The following NUP62 variants were observed in gnomAD, a reference collection of about 807,000 sequenced individuals.
The protein encoded by NUP62 is nucleoporin 62, also known as nuclear pore glycoprotein p62.
For synonymous variants in NUP62, 305 were observed against 303.4 expected (o/e 1.01, Z -0.05); for missense variants, 647 against 689.4 (o/e 0.94, Z 0.69).
At chr19:49,918,916 T>TGGG (rs1312547282) in intron 2 of NUP62, among the ~76,000 whole-genome samples, 3 of 25,244 alleles carry the variant, frequency 1.2e-4, no homozygotes, top group African/African-American at 3.0e-4. Context: ...GGGCGGGGTG[T>TGGG]GGGGGGGCGG....
At chr19:49,915,539 C>G (rs1417121833) in intron 2 of NUP62, among the ~76,000 whole-genome samples, 1 of 152,226 alleles carries the variant, frequency 6.6e-6, no homozygotes, top group East Asian at 1.9e-4. Context: ...AAAATACATT[C>G]GTGTTGCTTT....
At position 49,909,617 on chromosome 19, in the gene NUP62, G is replaced by A; in HGVS notation, c.191C>T (p.Thr64Ile). Residue 64 changes from threonine (T) to isoleucine (I), a missense_variant, in exon 3 of 3, where the codon ACC becomes ATC. By Grantham distance (89) the Thr-to-Ile change is moderately conservative. Coordinates refer to ENST00000352066, the MANE Select transcript of NUP62 (RefSeq NM_016553.5). Reference protein sequence around the residue: ...TPSTGLFSLATQTPATQTTGF... With the variant: ...TPSTGLFSLAIQTPATQTTGF... ...TGTCGTCTGTGTGGCCGGAGTCTGGGTGGCAAGTGAGAACAGGCCGGTGGA... is the reference window on the plus strand; with the variant it reads ...TGTCGTCTGTGTGGCCGGAGTCTGGATGGCAAGTGAGAACAGGCCGGTGGA... 2 of 1,614,124 alleles carry A rather than the reference G, an allele frequency of 1.2e-6. No homozygotes were observed. The highest frequency in any genetic ancestry group is 1.1e-5 in the South Asian group (1 of 91,090).
In NUP62 at chr19:49,909,067, GC is replaced by G; in HGVS notation, c.740del (p.Gly247AlafsTer12). The G allele has an allele frequency of 6.2e-7, 1 of 1,612,638 alleles. No individual in the cohort carries two copies. On this transcript the variant is annotated frameshift_variant, in exon 3 of 3. Coordinates refer to ENST00000352066, the MANE Select transcript of NUP62 (RefSeq NM_016553.5). LOFTEE classifies it high-confidence loss of function. ...LSLCTPVTTA[G>X]APTAGTQGFS... The stretch of plus-strand genomic sequence containing the variant: ...AGCCCTGTGTCCCAGCAGTGGGGGC[GC>G]CCGCTGTGGTCACAGGGGTACAGAG...
chr19:49,917,168 A>C (rs2122689060), intron 2 of NUP62, among the ~76,000 whole-genome samples: 1 of 152,298 alleles, frequency 6.6e-6, no homozygotes, highest in Non-Finnish European at 1.5e-5. Context: ...TGGAGAGGAG[A>C]GAAACAAGGG....
Position 49,912,275 on chromosome 19 carries a change from TTC to T in NUP62, c.-77-2393_-77-2392del, listed in dbSNP as rs374003040. On this transcript the variant is annotated intron_variant, in intron 2 of 2. Transcript: ENST00000352066. The stretch of plus-strand genomic sequence containing the variant: ...ACCTCCGCTTCCCGGGTTCAAGCGA[TTC>T]TCTCGCCTCAGCTTCCAAGTAGCTG... 9.0e-4 allele frequency among the ~76,000 whole-genome samples: 136 copies of T among 151,204 alleles called. 5 individuals are homozygous for T. In the East Asian group the frequency reaches 0.025, roughly 28 times the overall value.
At chr19:49,922,247 C>T (rs2075783048) in intron 2 of NUP62, among the ~76,000 whole-genome samples, 1 of 152,198 alleles carries the variant, frequency 6.6e-6, no homozygotes, top group Admixed American at 6.5e-5. Context: ...ATTGAGGTGC[C>T]CTGCGAGTCC....
Position 49,909,611 on chromosome 19 carries a change from G to C in NUP62, c.197C>G (p.Thr66Ser). Residue 66 changes from threonine to serine, a missense_variant, in exon 3 of 3, where the codon ACT (threonine) becomes AGT (serine). Thr to Ser is a moderately conservative substitution (Grantham distance 58). Transcript: ENST00000352066. ...STGLFSLATQ[T>S]PATQTTGFTF... is the part of the protein sequence containing the mutation. ...GAAGCCTGTCGTCTGTGTGGCCGGA[G>C]TCTGGGTGGCAAGTGAGAACAGGCC... The C allele has an allele frequency of 6.2e-7, 1 of 1,613,430 alleles. No homozygotes were observed. The highest frequency in any genetic ancestry group is 1.1e-5 in the South Asian group (1 of 91,068).
At position 49,908,564 on chromosome 19, in the gene NUP62, T is replaced by C. The variant is rs2075375800; in HGVS notation, c.1244A>G (p.Lys415Arg). 1.9e-6 allele frequency: 3 copies of C among 1,614,216 alleles called. No homozygotes were observed. The highest frequency in any genetic ancestry group is 2.5e-6 in the Non-Finnish European group (3 of 1,180,036). The change falls in exon 3 of 3, where the codon AAG (lysine) becomes AGG (arginine). Residue 415 changes from lysine (K) to arginine (R), a missense_variant. By Grantham distance (26) the Lys-to-Arg change is conservative (BLOSUM62 2). Transcript: ENST00000352066. Reference sequence around the variant, plus strand: ...CAGGTAGATGGTCCCGCTCTGCTCCTTGACCAACTCCTCCAGTGGGCTCAG... The same window carrying C: ...CAGGTAGATGGTCCCGCTCTGCTCCCTGACCAACTCCTCCAGTGGGCTCAG... ...DLLSPLEELVKEQSGTIYLQH... is the reference protein window; with the variant it reads ...DLLSPLEELVREQSGTIYLQH...
At chr19:49,925,887 A>G (rs991485515) in intron 2 of NUP62, among the ~76,000 whole-genome samples, 4 of 152,324 alleles carry the variant, frequency 2.6e-5, no homozygotes, top group South Asian at 2.1e-4. Flanking sequence ...GAGTCAATCT[A>G]CAATTATTCC....
chr19:49,913,592 C>T (rs764230128), intron 2 of NUP62, among the ~76,000 whole-genome samples: 14 of 152,244 alleles, frequency 9.2e-5, no homozygotes, highest in East Asian at 1.9e-4. Flanking sequence ...GCACTGTCCG[C>T]GGGACTCTCT....
intron 2 of NUP62, among the ~76,000 whole-genome samples, chr19:49,925,592 A>G (rs1476034776): frequency 6.6e-6 from 1 of 152,204 alleles, no homozygotes; most frequent in African/African-American, 2.4e-5. Context: ...AAGGACAAGG[A>G]AAGTCTAAAA....
Position 49,908,865 on chromosome 19 carries a change from C to T in NUP62, c.943G>A (p.Gly315Ser), listed in dbSNP as rs2075383856. 2 of 1,611,462 alleles carry T rather than the reference C, an allele frequency of 1.2e-6. No individual in the cohort carries two copies. Among genetic ancestry groups the T allele is most frequent in the Admixed American group, 1.7e-5 (1 of 59,986 alleles). ...NTAAAVTAPP[G>S]PGAAAGAAAS... ...GCCGCCCCTGCAGCTGCGCCAGGGC[C>T]AGGTGGAGCGGTCACGGCAGCTGCT... Residue 315 changes from glycine (G) to serine (S), a missense_variant, in exon 3 of 3, where the codon GGC (glycine) becomes AGC (serine). Physicochemically the swap from Gly to Ser is moderately conservative, Grantham distance 56 (BLOSUM62 0). Transcript: ENST00000352066.
chr19:49,910,149 G>A (rs1279431475), intron 2 of NUP62, among the ~76,000 whole-genome samples: 1 of 152,148 alleles, frequency 6.6e-6, no homozygotes, highest in African/African-American at 2.4e-5. Flanking sequence ...GACGAGGCGG[G>A]AGAACAGGAC....
At position 49,913,535 on chromosome 19, in the gene NUP62, G is replaced by A. The variant is rs183259169; in HGVS notation, c.-77-3651C>T. Among the ~76,000 whole-genome samples the A allele has an allele frequency of 9.3e-4, 141 of 152,290 alleles. 1 individual carries two copies. The highest frequency in any genetic ancestry group is 3.4e-3 in the Middle Eastern group (1 of 294). Reference sequence around the variant, plus strand: ...CCATGTCCTCCCCACAACCCGGGCCGCCACTGCTCCGTAAGCGTTACCACA... The same window carrying A: ...CCATGTCCTCCCCACAACCCGGGCCACCACTGCTCCGTAAGCGTTACCACA... On this transcript the variant is annotated intron_variant, in intron 2 of 2. Transcript: ENST00000352066.
chr19:49,908,636 T>C lies in NUP62; in HGVS notation c.1172A>G (p.Gln391Arg). 1 of 1,613,300 alleles carries C rather than the reference T, an allele frequency of 6.2e-7. No homozygotes were observed. Among genetic ancestry groups the C allele is most frequent in the Non-Finnish European group, 8.5e-7 (1 of 1,180,034 alleles). Residue 391 changes from glutamine to arginine, a missense_variant, in exon 3 of 3, where the codon CAG (glutamine) becomes CGG (arginine). Gln to Arg is a conservative substitution (Grantham distance 43). Transcript: ENST00000352066. ...CTGGGACAGGATGAAGTCGAGCTCC[T>C]GGTCCAGCCTCTTCTGGTCCAGCTT... is the stretch of plus-strand genomic sequence containing the variant. ...KVKLDQKRLDQELDFILSQQK... is the reference protein window; with the variant it reads ...KVKLDQKRLDRELDFILSQQK...
intron 2 of NUP62, among the ~76,000 whole-genome samples, chr19:49,920,522 AACCAACCAACCG>A (rs1188421157): frequency 6.6e-6 from 1 of 152,218 alleles, no homozygotes; most frequent in African/African-American, 2.4e-5. Flanking sequence ...AAAGCCACTC[AACCAACCAACCG>A]ACCAACCAAC....
rs371693868 is a variant in NUP62 at position 49,908,281 on chromosome 19, C to T, written c.1527G>A (p.Arg509=). 78 of 1,613,794 alleles carry T rather than the reference C, an allele frequency of 4.8e-5. No homozygotes were observed. Among genetic ancestry groups the T allele is most frequent in the Non-Finnish European group, 6.4e-5 (75 of 1,180,050 alleles). The change falls in exon 3 of 3, where the codon CGG becomes CGA. Residue 509 remains arginine (R), a synonymous_variant. Coordinates refer to ENST00000352066, the MANE Select transcript of NUP62 (RefSeq NM_016553.5). The part of the protein sequence containing the change: ...VEEVTKVCEG[R]RKEQERSFRI... ...GGAAGCTGCGCTCCTGCTCCTTGCG[C>T]CGGCCCTCGCACACCTTGGTCACCT...
At chr19:49,917,747 T>G (rs1357638299) in intron 2 of NUP62, 1 of 151,988 alleles carries the variant, frequency 6.6e-6, no homozygotes, top group South Asian at 2.1e-4. Flanking sequence ...GAAAACAGAG[T>G]GGGCCAGGGA....
At chr19:49,918,916 T>TGGGG (rs1312547282) in intron 2 of NUP62, among the ~76,000 whole-genome samples, 1 of 25,194 alleles carries the variant, frequency 4.0e-5, no homozygotes, top group Non-Finnish European at 8.3e-5. Context: ...GGGCGGGGTG[T>TGGGG]GGGGGGGCGG....
Sources: gnomAD v4.1 joint callset for allele counts (sites outside exome capture counted in the v4.1 genomes callset) on GRCh38, gnomAD v4.1.1 for gene constraint, MANE v1.5 for transcripts, NCBI Gene and HGNC (gene_info 2026-07-23, HGNC 2026-07-21) for gene names.